The following ZEB1 variants were observed in gnomAD, a reference collection of about 807,000 sequenced individuals.
ZEB1 encodes zinc finger E-box-binding homeobox 1.
In ZEB1, 21 loss-of-function variants were observed where a neutral mutation model predicts 84.9. That is an observed-to-expected ratio of 0.25 (90% confidence interval 0.18 to 0.36). The LOEUF (loss-of-function observed/expected upper bound fraction) is 0.36, where lower values mean the gene tolerates loss of function less well. Ranked by LOEUF, ZEB1 falls within the 10% of genes least tolerant of loss-of-function variation. The probability of loss-of-function intolerance (pLI) is 1.00; values close to 1 mark genes in which losing one functional copy is unlikely to be tolerated. For synonymous variants in ZEB1, 420 were observed against 471.1 expected (o/e 0.89, Z 1.41); for missense variants, 1,104 against 1,330.2 (o/e 0.83, Z 2.65).
At chr10:31,471,311 G>T (rs1182199619) in intron 2 of ZEB1, among the ~76,000 whole-genome samples, 3 of 130,936 alleles carry the variant, frequency 2.3e-5, no homozygotes, top group African/African-American at 5.9e-5. Flanking sequence ...GCTGTATTCA[G>T]GAAACCCATC....
chr10:31,337,984 A>G lies in ZEB1; in HGVS notation c.58+18692A>G, dbSNP rs140022292. The stretch of plus-strand genomic sequence containing the variant: ...AGGCATGAGACACCGCGCCCGGCCT[A>G]AGCATAATAATTTCTAACCCTGGTT... On this transcript the variant is annotated intron_variant, in intron 1 of 8. Transcript: ENST00000424869. 5.6e-3 allele frequency among the ~76,000 whole-genome samples: 847 copies of G among 152,104 alleles called. 13 individuals carry two copies. Among genetic ancestry groups the G allele is most frequent in the African/African-American group, 0.02 (812 of 41,542 alleles).
At chr10:31,367,985 A>G (rs966882177) in intron 1 of ZEB1, among the ~76,000 whole-genome samples, 3 of 151,960 alleles carry the variant, frequency 2.0e-5, no homozygotes, top group East Asian at 1.9e-4. Context: ...ACACATAGAC[A>G]TACACACGTA....
intron 1 of ZEB1, among the ~76,000 whole-genome samples, chr10:31,449,689 C>T (rs1386675451): frequency 6.6e-6 from 1 of 152,094 alleles, no homozygotes; most frequent in African/African-American, 2.4e-5. Flanking sequence ...ATTTCCATTT[C>T]TGTAGCTTCA....
At chr10:31,453,862 C>T (rs979971156) in intron 1 of ZEB1, among the ~76,000 whole-genome samples, 2 of 152,150 alleles carry the variant, frequency 1.3e-5, no homozygotes, top group African/African-American at 4.8e-5. Context: ...CCTTCTGAAA[C>T]TATTCCAAAT....
intron 1 of ZEB1, among the ~76,000 whole-genome samples, chr10:31,449,117 G>A (rs1354817697): frequency 6.6e-6 from 1 of 152,252 alleles, no homozygotes. Context: ...GTCTCATGGT[G>A]CGCCATTTTT....
chr10:31,480,625 G>A (rs1199879316), intron 2 of ZEB1, among the ~76,000 whole-genome samples: 1 of 152,038 alleles, frequency 6.6e-6, no homozygotes, highest in Non-Finnish European at 1.5e-5. Context: ...TATACTGTAT[G>A]AATGTTTAAG....
intron 2 of ZEB1, among the ~76,000 whole-genome samples, chr10:31,477,478 T>C (rs1310891647): frequency 6.6e-6 from 1 of 151,972 alleles, no homozygotes; most frequent in African/African-American, 2.4e-5. Context: ...TAATTACCAA[T>C]GTCATTCTTC....
intron 1 of ZEB1, among the ~76,000 whole-genome samples, chr10:31,449,930 C>T (rs754685686): frequency 3.4e-4 from 52 of 152,096 alleles, no homozygotes; most frequent in Non-Finnish European, 6.5e-4. Context: ...TCAATCTTGG[C>T]AATGAGGAAA....
intron 1 of ZEB1, among the ~76,000 whole-genome samples, chr10:31,458,147 A>C (rs756050125): frequency 2.0e-5 from 3 of 152,130 alleles, no homozygotes; most frequent in Non-Finnish European, 2.9e-5. Flanking sequence ...AGTGGAGTAT[A>C]GAATTGATTA....
intron 2 of ZEB1, among the ~76,000 whole-genome samples, chr10:31,479,638 T>A (rs756323859): frequency 1.3e-5 from 2 of 151,934 alleles, no homozygotes; most frequent in Non-Finnish European, 2.9e-5. Flanking sequence ...ATTCTGATAT[T>A]CACAGATCTG....
chr10:31,368,946 G>A (rs2045141206), intron 1 of ZEB1, among the ~76,000 whole-genome samples: 1 of 152,186 alleles, frequency 6.6e-6, no homozygotes, highest in African/African-American at 2.4e-5. Context: ...GTTGTGCTTT[G>A]CTAGAAACAT....
At chr10:31,452,620 G>T (rs544475946) in intron 1 of ZEB1, among the ~76,000 whole-genome samples, 1 of 152,060 alleles carries the variant, frequency 6.6e-6, no homozygotes, top group South Asian at 2.1e-4. Context: ...AGAAAAAAGT[G>T]TGGTCCCATA....
At chr10:31,376,510 A>G (rs779316568) in intron 1 of ZEB1, among the ~76,000 whole-genome samples, 4 of 151,768 alleles carry the variant, frequency 2.6e-5, no homozygotes, top group African/African-American at 4.8e-5. Flanking sequence ...TGCATATTAT[A>G]TACATTATAA....
intron 1 of ZEB1, among the ~76,000 whole-genome samples, chr10:31,436,846 G>A (rs2058347931): frequency 6.6e-6 from 1 of 152,024 alleles, no homozygotes; most frequent in South Asian, 2.1e-4. Context: ...ATTTGTTTGT[G>A]TTTTCCAAGA....
intron 2 of ZEB1, among the ~76,000 whole-genome samples, chr10:31,482,435 A>G (rs2065164805): frequency 6.6e-6 from 1 of 151,898 alleles, no homozygotes; most frequent in Non-Finnish European, 1.5e-5. Context: ...TTATGGACAC[A>G]TGATACAGTG....
In ZEB1 at chr10:31,454,379, C is replaced by G. The variant is rs538229327; in HGVS notation, c.59-6658C>G. ...GACAAAGATGCCCTCTCTCACCACT[C>G]CTATTCAACATAGTGTTGGAATTTC... On this transcript the variant is annotated intron_variant, in intron 1 of 8. Transcript: ENST00000424869. Among the ~76,000 whole-genome samples, 6 of 152,250 alleles carry G rather than the reference C, an allele frequency of 3.9e-5. No homozygotes were observed. The East Asian group carries it at 1.2e-3, about 29-fold the overall frequency.
intron 2 of ZEB1, among the ~76,000 whole-genome samples, chr10:31,466,184 T>G (rs752034237): frequency 1.1e-4 from 17 of 152,176 alleles, no homozygotes; most frequent in Non-Finnish European, 2.5e-4. Flanking sequence ...CATAGGGGTC[T>G]TCAGTGCTTT....
intron 1 of ZEB1, among the ~76,000 whole-genome samples, chr10:31,409,636 T>A (rs995013049): frequency 5.3e-5 from 8 of 152,152 alleles, no homozygotes; most frequent in Admixed American, 5.2e-4. Flanking sequence ...ATTCTTCCTA[T>A]CCATGAGCAT....
rs3086583 is a variant in ZEB1, at chr10:31,527,412, AACACACACAC to A, written c.*180_*189del. 0.031 allele frequency: 15,817 copies of A among 515,522 alleles called. 177 individuals carry two copies. The highest frequency in any genetic ancestry group is 0.051 in the Middle Eastern group (93 of 1,820). The allele number at this position is 515,522 out of a possible 1,614,324, so 31.9% of individuals were successfully genotyped here. Reference sequence around the variant, plus strand: ...AAAACTAAAAAAATACAAAATACAAAACACACACACACACACACACACACACACACACACA... The same window carrying A: ...AAAACTAAAAAAATACAAAATACAAAACACACACACACACACACACACACA... On this transcript the variant is annotated 3_prime_UTR_variant, in exon 9 of 9. Transcript: ENST00000424869.
Sources: allele counts gnomAD v4.1 joint callset (sites outside exome capture counted in the v4.1 genomes callset), GRCh38; gene constraint gnomAD v4.1.1; transcripts MANE v1.5; gene names NCBI Gene and HGNC (gene_info 2026-07-23, HGNC 2026-07-21).